RAB40C: variants seen among roughly 807,000 people sequenced by gnomAD.
RAB40C encodes the protein RAB40C, member RAS oncogene family.
In RAB40C, 8 loss-of-function variants were observed where a neutral mutation model predicts 28.1. The ratio of observed to expected loss-of-function variants is 0.28; its 90% CI spans 0.17 to 0.51. The LOEUF (loss-of-function observed/expected upper bound fraction) is 0.51, where lower values mean the gene tolerates loss of function less well. Among genes scored for constraint, RAB40C ranks in the 20% least tolerant of loss-of-function variants. RAB40C has a pLI of 0.97. For synonymous variants in RAB40C, 201 were observed against 171.7 expected (o/e 1.17, Z -1.34); for missense variants, 288 against 405.9 (o/e 0.71, Z 2.50).
intron 1 of RAB40C, among the ~76,000 whole-genome samples, chr16:613,723 C>T (rs2036529556): frequency 6.6e-6 from 1 of 151,938 alleles, no homozygotes; most frequent in African/African-American, 2.4e-5. Flanking sequence ...GTCTTTAGTC[C>T]TTAAGGACTC....
At chr16:619,932 C>T (rs1282290320) in intron 3 of RAB40C, among the ~76,000 whole-genome samples, 1 of 152,232 alleles carries the variant, frequency 6.6e-6, no homozygotes, top group South Asian at 2.1e-4. Context: ...CGCACCCTGT[C>T]CTGGGAGTTC....
intron 1 of RAB40C, among the ~76,000 whole-genome samples, chr16:607,606 A>G (rs552442531): frequency 6.6e-6 from 1 of 151,594 alleles, no homozygotes; most frequent in African/African-American, 2.4e-5. Context: ...GATGGAGACC[A>G]CGGTGAAACC....
intron 1 of RAB40C, among the ~76,000 whole-genome samples, chr16:611,124 G>A (rs1188811080): frequency 6.6e-6 from 1 of 152,224 alleles, no homozygotes; most frequent in Non-Finnish European, 1.5e-5. Flanking sequence ...AGCGGGAGGA[G>A]CATCCCAGAG....
chr16:625,228 C>G, intron 3 of RAB40C: 1 of 1,438,822 alleles, frequency 7.0e-7, no homozygotes, highest in Non-Finnish European at 9.2e-7. Context: ...CACCCCCCTG[C>G]TGCAGTCCTG....
chr16:615,414 G>T (rs777773126), intron 1 of RAB40C, among the ~76,000 whole-genome samples: 29 of 152,162 alleles, frequency 1.9e-4, no homozygotes, highest in Non-Finnish European at 3.2e-4. Flanking sequence ...CCGTGGGAGG[G>T]CGTCGCTTAT....
At position 596,233 on chromosome 16, in the gene RAB40C, C is replaced by T. The variant is rs137994755; in HGVS notation, c.142+5800C>T. On this transcript the variant is annotated intron_variant, in intron 1 of 5. Transcript: ENST00000248139. Reference sequence around the variant, plus strand: ...CAGTGTTTCAGGAAGGAAGCCACATCGGGGAGCTGAGAGGTGGGCGGGAAG... The same window carrying T: ...CAGTGTTTCAGGAAGGAAGCCACATTGGGGAGCTGAGAGGTGGGCGGGAAG... The T allele has an allele frequency of 2.0e-5, 9 of 449,850 alleles. No homozygotes were observed. The East Asian group carries it at 4.2e-4, about 21-fold the overall frequency. 27.9% of individuals were successfully genotyped at this position (449,850 alleles called of 1,614,324 possible).
intron 1 of RAB40C, among the ~76,000 whole-genome samples, chr16:599,175 G>T (rs1038441822): frequency 2.6e-5 from 4 of 152,256 alleles, no homozygotes; most frequent in Middle Eastern, 3.2e-3. Flanking sequence ...CTGCAGGGGA[G>T]GGGAGTATGG....
chr16:616,868 C>G (rs927358927), intron 1 of RAB40C: 4 of 343,396 alleles, frequency 1.2e-5, no homozygotes, highest in African/African-American at 8.4e-5. Flanking sequence ...GTGCCTTGCA[C>G]CCAGCGCGGG....
intron 1 of RAB40C, among the ~76,000 whole-genome samples, chr16:607,517 CGGG>C (rs1034147799): frequency 9.0e-5 from 13 of 143,820 alleles, no homozygotes; most frequent in Non-Finnish European, 1.2e-4. Flanking sequence ...AAAAAAAAAA[CGGG>C]GGGCCGGGCG....
chr16:591,678 G>A (rs1312816486), intron 1 of RAB40C, among the ~76,000 whole-genome samples: 1 of 150,504 alleles, frequency 6.6e-6, no homozygotes, highest in Middle Eastern at 3.2e-3. Context: ...TGCAACCTCC[G>A]CCTCCTGGGT....
At position 610,562 on chromosome 16, in the gene RAB40C, A is replaced by T. The variant is rs2036462275; in HGVS notation, c.143-6646A>T. ...AAAAGACATTTCAACAGGAGGTAAA[A>T]ATGAACAGCACACCAAGAGAATATG... On this transcript the variant is annotated intron_variant, in intron 1 of 5. Coordinates refer to ENST00000248139, the MANE Select transcript of RAB40C (RefSeq NM_021168.5). This position sits in a 1 kb window ranked among gnomAD's most constrained non-coding sequence, Gnocchi z 4.6. 6.6e-6 allele frequency among the ~76,000 whole-genome samples: 1 copy of T among 152,146 alleles called. No individual in the cohort carries two copies. The highest frequency in any genetic ancestry group is 1.5e-5 in the Non-Finnish European group (1 of 68,024).
intron 1 of RAB40C, chr16:616,834 A>C: frequency 4.2e-6 from 1 of 239,704 alleles, no homozygotes; most frequent in East Asian, 8.4e-5. Flanking sequence ...GCCTTTGCCC[A>C]ATGCCCTCTG....
In RAB40C at chr16:613,927, A is replaced by G. The variant is rs376134347; in HGVS notation, c.143-3281A>G. ...TGTGAAGGGCACCACTGGGGCAGTG[A>G]CGCAGCTTCACACGCAGCTCGGGAA... On this transcript the variant is annotated intron_variant, in intron 1 of 5. Transcript: ENST00000248139. 1.4e-4 allele frequency among the ~76,000 whole-genome samples: 21 copies of G among 152,290 alleles called. 1 individual carries two copies. The highest frequency in any genetic ancestry group is 4.8e-4 in the African/African-American group (20 of 41,556).
Position 590,382 on chromosome 16 carries a change from C to T in RAB40C, c.91C>T (p.Leu31=). 1 of 1,597,084 alleles carries T rather than the reference C, an allele frequency of 6.3e-7. No homozygotes were observed. The highest frequency in any genetic ancestry group is 8.5e-7 in the Non-Finnish European group (1 of 1,173,452). ...CAGCGACGTGGGCAAGGGCGAGATC[C>T]TGGAGAGCCTGCAGGACGGCGCGGC... The part of the protein sequence containing the change: ...GDSDVGKGEI[L]ESLQDGAAES... Residue 31 remains leucine, a synonymous_variant, in exon 1 of 6, where the codon CTG becomes TTG. Transcript: ENST00000248139.
At chr16:592,712 CGGGAAGGATTGGGTTT>C (rs1375270796) in intron 1 of RAB40C, among the ~76,000 whole-genome samples, 1 of 152,224 alleles carries the variant, frequency 6.6e-6, no homozygotes, top group Non-Finnish European at 1.5e-5. Flanking sequence ...CAGAAGAGCA[CGGGAAGGATTGGGTTT>C]CATCAATCGG....
At chr16:602,051 A>C (rs1481183543) in intron 1 of RAB40C, among the ~76,000 whole-genome samples, 1 of 152,052 alleles carries the variant, frequency 6.6e-6, no homozygotes, top group Non-Finnish European at 1.5e-5. Flanking sequence ...GCTTCAACCC[A>C]GGAGGCAGAG....
chr16:607,229 G>A (rs971184230), intron 1 of RAB40C, among the ~76,000 whole-genome samples: 2 of 152,228 alleles, frequency 1.3e-5, no homozygotes, highest in African/African-American at 4.8e-5. Flanking sequence ...GGGCACGGTG[G>A]CTCAACCCTG....
intron 5 of RAB40C, among the ~76,000 whole-genome samples, chr16:626,532 G>T (rs1402920581): frequency 6.6e-6 from 1 of 152,148 alleles, no homozygotes; most frequent in Non-Finnish European, 1.5e-5. Flanking sequence ...TTGATCAGAG[G>T]CTCCCGTGAA....
At chr16:623,020 G>C (rs2036753567) in intron 3 of RAB40C, among the ~76,000 whole-genome samples, 1 of 152,094 alleles carries the variant, frequency 6.6e-6, no homozygotes, top group Non-Finnish European at 1.5e-5. Context: ...GCCGGAGCAA[G>C]CCTCCGGGTC....
Sources: allele counts gnomAD v4.1 joint callset (sites outside exome capture counted in the v4.1 genomes callset), GRCh38; gene constraint gnomAD v4.1.1; non-coding constraint Gnocchi (gnomAD v3.1); transcripts MANE v1.5; gene names NCBI Gene and HGNC (gene_info 2026-07-23, HGNC 2026-07-21).